Variants in CCDC192 observed in about 807,000 individuals in gnomAD.
The protein encoded by CCDC192 is coiled-coil domain containing 192.
intron 6 of CCDC192, among the ~76,000 whole-genome samples, chr5:127,934,206 A>T (rs1259499284): frequency 6.6e-6 from 1 of 152,184 alleles, no homozygotes; most frequent in Non-Finnish European, 1.5e-5. Context: ...TAAGTCACTT[A>T]CTAAAACAGA....
intron 5 of CCDC192, among the ~76,000 whole-genome samples, chr5:127,843,514 T>C (rs886405427): frequency 6.6e-6 from 1 of 151,486 alleles, no homozygotes; most frequent in African/African-American, 2.4e-5. Context: ...CTTGGCTTAC[T>C]ACAACCTCTA....
intron 5 of CCDC192, among the ~76,000 whole-genome samples, chr5:127,855,044 T>C (rs1751002711): frequency 6.6e-6 from 1 of 152,224 alleles, no homozygotes; most frequent in African/African-American, 2.4e-5. Context: ...CAGCAAGTGG[T>C]AATCTTTTTG....
intron 6 of CCDC192, among the ~76,000 whole-genome samples, chr5:127,906,618 T>A (rs1226636197): frequency 6.6e-6 from 1 of 151,990 alleles, no homozygotes; most frequent in East Asian, 1.9e-4. Flanking sequence ...AAACCTCAAC[T>A]CTACAAAATA....
chr5:127,844,820 C>G (rs372430815), intron 5 of CCDC192, among the ~76,000 whole-genome samples: 44 of 152,304 alleles, frequency 2.9e-4, no homozygotes, highest in Non-Finnish European at 5.1e-4. Flanking sequence ...CAGCTGACAC[C>G]GTCAGCAGGT....
intron 5 of CCDC192, among the ~76,000 whole-genome samples, chr5:127,799,297 A>G (rs537473618): frequency 1.6e-4 from 25 of 152,330 alleles, no homozygotes; most frequent in African/African-American, 5.5e-4. Context: ...GAGAAAAGCT[A>G]ATCTGCTGTG....
chr5:127,919,418 T>C (rs968745134), intron 6 of CCDC192, among the ~76,000 whole-genome samples: 4 of 135,184 alleles, frequency 3.0e-5, no homozygotes, highest in African/African-American at 1.0e-4. Flanking sequence ...TTAAGAAATC[T>C]GTGGATACGA....
intron 3 of CCDC192, among the ~76,000 whole-genome samples, chr5:127,796,139 T>C (rs552221101): frequency 2.0e-5 from 3 of 152,334 alleles, no homozygotes; most frequent in African/African-American, 7.2e-5. Context: ...ACAGTATATA[T>C]GATATGCCAG....
At chr5:127,880,528 A>G (rs1261784110) in intron 6 of CCDC192, among the ~76,000 whole-genome samples, 2 of 151,258 alleles carry the variant, frequency 1.3e-5, no homozygotes, top group Non-Finnish European at 3.0e-5. Context: ...GGTGCAGCGC[A>G]CCAGCATGGC....
intron 2 of CCDC192, among the ~76,000 whole-genome samples, chr5:127,721,359 G>T (rs1350961063): frequency 6.6e-6 from 1 of 152,148 alleles, no homozygotes; most frequent in South Asian, 2.1e-4. Flanking sequence ...GAGGCAAAAT[G>T]CCTCCAGCTT....
At chr5:127,925,164 T>G (rs1275864086) in intron 6 of CCDC192, among the ~76,000 whole-genome samples, 1 of 152,190 alleles carries the variant, frequency 6.6e-6, no homozygotes, top group Non-Finnish European at 1.5e-5. Flanking sequence ...ACCATTAGCT[T>G]TAATAATGTT....
At chr5:127,818,730 G>C (rs547652583) in intron 5 of CCDC192, among the ~76,000 whole-genome samples, 2 of 152,276 alleles carry the variant, frequency 1.3e-5, no homozygotes, top group African/African-American at 4.8e-5. Flanking sequence ...AGGGAAGATG[G>C]GGGTGGGAGT....
intron 6 of CCDC192, among the ~76,000 whole-genome samples, chr5:127,922,203 C>CA (rs1753741289): frequency 1.3e-5 from 2 of 152,098 alleles, no homozygotes; most frequent in Non-Finnish European, 2.9e-5. Flanking sequence ...TTGTGACTTT[C>CA]CCTAGATTTT....
At chr5:127,782,347 G>A (rs1756277282) in intron 3 of CCDC192, among the ~76,000 whole-genome samples, 1 of 152,002 alleles carries the variant, frequency 6.6e-6, no homozygotes. Context: ...ACTTAGGGAG[G>A]GTTTCCTCTT....
intron 6 of CCDC192, among the ~76,000 whole-genome samples, chr5:127,876,644 A>C (rs1405979155): frequency 6.6e-6 from 1 of 152,222 alleles, no homozygotes; most frequent in African/African-American, 2.4e-5. Context: ...CCACTCTTGC[A>C]AAGCCAGGAA....
intron 5 of CCDC192, among the ~76,000 whole-genome samples, chr5:127,841,251 G>C (rs1235423630): frequency 6.6e-6 from 1 of 152,182 alleles, no homozygotes; most frequent in Non-Finnish European, 1.5e-5. Flanking sequence ...TGAGGCTCAA[G>C]AGAACAAAGC....
chr5:127,769,098 C>A (rs1755400991), intron 3 of CCDC192, among the ~76,000 whole-genome samples: 1 of 152,142 alleles, frequency 6.6e-6, no homozygotes, highest in Non-Finnish European at 1.5e-5. Flanking sequence ...ATATTAATTA[C>A]CGCATGTAAA....
At chr5:127,777,883 G>A (rs1293398082) in intron 3 of CCDC192, among the ~76,000 whole-genome samples, 1 of 151,460 alleles carries the variant, frequency 6.6e-6, no homozygotes, top group Admixed American at 6.6e-5. Context: ...GGAACTGTGA[G>A]TACATGAAAC....
chr5:127,853,544 G>A (rs142261062), intron 5 of CCDC192, among the ~76,000 whole-genome samples: 138 of 152,148 alleles, frequency 9.1e-4, no homozygotes, highest in Middle Eastern at 3.4e-3. Context: ...AGGTTGATTC[G>A]GGCAGATCAC....
chr5:127,778,173 A>G (rs1002651772), intron 3 of CCDC192, among the ~76,000 whole-genome samples: 13 of 152,216 alleles, frequency 8.5e-5, no homozygotes, highest in African/African-American at 2.9e-4. Context: ...CAGTGGTGAA[A>G]GTAGACATCC....
Sources: gnomAD v4.1 joint callset for allele counts (sites outside exome capture counted in the v4.1 genomes callset) on GRCh38, gnomAD v4.1.1 for gene constraint, MANE v1.5 for transcripts, NCBI Gene and HGNC (gene_info 2026-07-23, HGNC 2026-07-21) for gene names.